HM13: variants seen among roughly 807,000 people sequenced by gnomAD.
HM13 encodes histocompatibility minor 13.
In HM13, 18 loss-of-function variants were observed where a neutral mutation model predicts 50.0. The observed-to-expected ratio is 0.36, with a 90% CI of 0.25 to 0.53. HM13 has a LOEUF of 0.53. HM13 is among the 20% of genes least tolerant of loss of function. The pLI is 0.90. For synonymous variants in HM13, 197 were observed against 232.6 expected (o/e 0.85, Z 1.39); for missense variants, 393 against 552.4 (o/e 0.71, Z 2.89).
intron 10 of HM13, among the ~76,000 whole-genome samples, chr20:31,564,862 A>AAAAAG (rs1261716072): frequency 6.6e-6 from 1 of 151,290 alleles, no homozygotes; most frequent in Non-Finnish European, 1.5e-5. Context: ...AAAAAAAAAA[A>AAAAAG]AAAAGAAAAG....
intron 1 of HM13, among the ~76,000 whole-genome samples, chr20:31,519,634 G>A (rs1982026677): frequency 6.6e-6 from 1 of 152,158 alleles, no homozygotes; most frequent in African/African-American, 2.4e-5. Context: ...GGTGGGCCCA[G>A]CAATGTGTGT....
chr20:31,564,339 G>A (rs1228942987), intron 10 of HM13, among the ~76,000 whole-genome samples: 3 of 152,138 alleles, frequency 2.0e-5, no homozygotes, highest in African/African-American at 7.2e-5. Context: ...CACGTTGGGA[G>A]GCAAAAGCAG....
intron 10 of HM13, among the ~76,000 whole-genome samples, chr20:31,564,868 A>G (rs2122664372): frequency 6.7e-6 from 1 of 149,228 alleles, no homozygotes; most frequent in African/African-American, 2.5e-5. Context: ...AAAAAAAAAG[A>G]AAAGAAAAGA....
chr20:31,549,738 C>T (rs956138822), intron 6 of HM13, among the ~76,000 whole-genome samples: 9 of 152,216 alleles, frequency 5.9e-5, no homozygotes, highest in Admixed American at 2.6e-4. Flanking sequence ...GACTCAGGTA[C>T]CCTTTTCCTG....
chr20:31,561,374 T>C (rs546442450), intron 9 of HM13, among the ~76,000 whole-genome samples: 16 of 152,188 alleles, frequency 1.1e-4, no homozygotes, highest in Non-Finnish European at 2.2e-4. Context: ...CAGCATTTGA[T>C]ATTCATAACT....
At chr20:31,559,762 G>C (rs1040874474) in intron 9 of HM13, 115 bp downstream of exon 9, 5 of 933,452 alleles carry the variant, frequency 5.4e-6, no homozygotes, top group South Asian at 5.3e-5. Context: ...ACAGCAGCCA[G>C]AGCAATTCTG....
intron 10 of HM13, 138 bp downstream of exon 10, chr20:31,561,874 C>T: frequency 1.5e-6 from 1 of 683,634 alleles, no homozygotes; most frequent in Non-Finnish European, 2.6e-6. Context: ...CTGTGATTCT[C>T]TTGGCCTTCC....
intron 1 of HM13, among the ~76,000 whole-genome samples, chr20:31,522,558 A>C (rs1825100479): frequency 1.3e-5 from 2 of 152,026 alleles, no homozygotes; most frequent in Admixed American, 6.6e-5. Context: ...AAAAAACAAA[A>C]AAAAAAAACT....
intron 2 of HM13, among the ~76,000 whole-genome samples, chr20:31,534,234 G>A (rs1982984486): frequency 6.6e-6 from 1 of 152,156 alleles, no homozygotes; most frequent in African/African-American, 2.4e-5. Context: ...TATGCTCAGA[G>A]AGGCTTATGA....
Position 31,554,664 on chromosome 20 carries a change from A to G in HM13, c.725-82A>G, listed in dbSNP as rs561373023. ...GCCACTGCACTCCAGCCTGGGTGACAGTGCGAGACTCCGTCTCAAAAAAAA... is the reference window on the plus strand; with the variant it reads ...GCCACTGCACTCCAGCCTGGGTGACGGTGCGAGACTCCGTCTCAAAAAAAA... On this transcript the variant is annotated intron_variant, in intron 7 of 12. Coordinates refer to ENST00000398174, the MANE Select transcript of HM13 (RefSeq NM_178581.3). The G allele has an allele frequency of 8.9e-6, 10 of 1,126,214 alleles. No individual in the cohort carries two copies. The African/African-American group carries it at 1.1e-4, about 12-fold the overall frequency. 69.8% of individuals were successfully genotyped at this position (1,126,214 alleles called of 1,614,324 possible).
chr20:31,526,934 T>A (rs919851806), intron 1 of HM13, among the ~76,000 whole-genome samples: 1 of 152,234 alleles, frequency 6.6e-6, no homozygotes, highest in Admixed American at 6.5e-5. Context: ...TTTTCTTCTC[T>A]CAGTTATTCC....
intron 10 of HM13, chr20:31,563,868 G>A (rs1301723070): frequency 6.6e-6 from 1 of 151,908 alleles, no homozygotes; most frequent in African/African-American, 2.4e-5. Context: ...CCTGAGGTCG[G>A]GAGTTTGAGA....
chr20:31,551,937 AC>A (rs963246771), intron 7 of HM13, among the ~76,000 whole-genome samples: 3 of 151,974 alleles, frequency 2.0e-5, no homozygotes. Context: ...AACCTACAAG[AC>A]CTGGCCTGGC....
At position 31,569,318 on chromosome 20, in the gene HM13, C is replaced by T; in HGVS notation, c.*99C>T. On this transcript the variant is annotated 3_prime_UTR_variant, in exon 13 of 13. Transcript: ENST00000398174. The stretch of plus-strand genomic sequence containing the variant: ...AGAGGGCACAGGAGGCCAAGGGCAG[C>T]TCCAGGACAGGGCAGGGGGCAGCAG... The T allele has an allele frequency of 1.3e-6, 1 of 784,348 alleles. No individual in the cohort carries two copies. Among genetic ancestry groups the T allele is most frequent in the Non-Finnish European group, 2.1e-6 (1 of 473,372 alleles). The allele number at this position is 784,348 out of a possible 1,614,324, so 48.6% of individuals were successfully genotyped here.
At position 31,566,308 on chromosome 20, in the gene HM13, G is replaced by C. The variant is rs200908954; in HGVS notation, c.1034+13G>C. 368 of 1,609,100 alleles carry C rather than the reference G, an allele frequency of 2.3e-4. 1 individual carries two copies. The highest frequency in any genetic ancestry group is 1.4e-3 in the Admixed American group (83 of 60,006). On this transcript the variant is annotated intron_variant, in intron 11 of 12. Transcript: ENST00000398174. ...CAGAGATGTTCAGGTAAGGCAGAGT[G>C]GGGGGCAGATGTCCTCATGGGCACC...
chr20:31,559,567 C>G, intron 8 of HM13, 44 bp from the exon 9 acceptor site: 1 of 1,606,842 alleles, frequency 6.2e-7, no homozygotes. Context: ...GTTCACTGCC[C>G]TGCTGCTTCC....
chr20:31,523,046 GA>G lies in HM13; in HGVS notation c.184-4437del, dbSNP rs780820268. Among the ~76,000 whole-genome samples, 94 of 149,366 alleles carry G rather than the reference GA, an allele frequency of 6.3e-4. 5 individuals carry two copies. Among genetic ancestry groups the G allele is most frequent in the African/African-American group, 2.1e-3 (83 of 39,932 alleles). On this transcript the variant is annotated intron_variant, in intron 1 of 12. Transcript: ENST00000398174. ...ATAGCCTGTTTGGGGTTTTTTTTGG[GA>G]GGGGGGCTTTTTTTTTTTTATGAGA... is the stretch of plus-strand genomic sequence containing the variant.
At chr20:31,566,712 A>AGT (rs1984939349) in intron 11 of HM13, among the ~76,000 whole-genome samples, 1 of 152,006 alleles carries the variant, frequency 6.6e-6, no homozygotes, top group South Asian at 2.1e-4. Context: ...TGTGGTAGAA[A>AGT]GTGCCCCGAG....
rs115841346 is a variant in HM13, at chr20:31,533,612, G to T, written c.283-4567G>T. Among the ~76,000 whole-genome samples, 1,069 of 152,338 alleles carry T rather than the reference G, an allele frequency of 7.0e-3. 18 individuals carry two copies. The highest frequency in any genetic ancestry group is 0.024 in the African/African-American group (1,004 of 41,574). ...GAACAGGTGCCAGTGTGATAAGGCTGGTCCCTGCGACAAGTTCCCTTTCTT... is the reference window on the plus strand; with the variant it reads ...GAACAGGTGCCAGTGTGATAAGGCTTGTCCCTGCGACAAGTTCCCTTTCTT... On this transcript the variant is annotated intron_variant, in intron 2 of 12. Coordinates refer to ENST00000398174, the MANE Select transcript of HM13 (RefSeq NM_178581.3).
Sources: gnomAD v4.1 joint callset for allele counts (sites outside exome capture counted in the v4.1 genomes callset) on GRCh38, gnomAD v4.1.1 for gene constraint, MANE v1.5 for transcripts, NCBI Gene and HGNC (gene_info 2026-07-23, HGNC 2026-07-21) for gene names.